Variants in RMDN2 observed in about 807,000 individuals in gnomAD.
RMDN2 encodes regulator of microtubule dynamics 2, also known as regulator of microtubule dynamics protein 2.
A neutral mutation model predicts 52.8 loss-of-function variants in RMDN2; 61 were observed. The ratio of observed to expected loss-of-function variants is 1.16; its 90% CI spans 0.94 to 1.43. The LOEUF (loss-of-function observed/expected upper bound fraction) is 1.43. Ranked by LOEUF, RMDN2 falls within the 40% of genes most tolerant of loss-of-function variation. The pLI, the probability that RMDN2 is intolerant of heterozygous loss-of-function variation, is 0.00. For missense variants in RMDN2, 592 were observed against 475.3 expected (o/e 1.25, Z -2.28); for synonymous variants, 180 against 153.1 (o/e 1.18, Z -1.30).
At chr2:37,999,687 G>A (rs1562285) in intron 8 of RMDN2, among the ~76,000 whole-genome samples, 42,935 of 151,878 alleles carry the variant, frequency 0.28, 6,673 homozygotes, top group East Asian at 0.66. Context: ...CCCACACCCA[G>A]GAGAGTCTGC....
At chr2:38,064,777 T>TA (rs58736308) in intron 10 of RMDN2, among the ~76,000 whole-genome samples, 42,533 of 147,850 alleles carry the variant, frequency 0.29, 6,353 homozygotes, top group African/African-American at 0.39. Flanking sequence ...TTTTCCTCGT[T>TA]AAAAAAAAAA....
At chr2:37,973,958 A>G in intron 2 of RMDN2, 82 bp from the exon 3 acceptor site, 3 of 1,133,848 alleles carry the variant, frequency 2.6e-6, no homozygotes, top group Non-Finnish European at 3.9e-6. Flanking sequence ...GAGGGGCATG[A>G]TTTGACTTGC....
At chr2:38,055,811 T>C (rs552674981) in intron 10 of RMDN2, among the ~76,000 whole-genome samples, 7 of 152,286 alleles carry the variant, frequency 4.6e-5, no homozygotes, top group African/African-American at 1.7e-4. Flanking sequence ...CCCCTGTCTA[T>C]ACCAATTACT....
rs543966071 is a variant in RMDN2 at position 38,010,359 on chromosome 2, C to G, written c.1179+6143C>G. The stretch of plus-strand genomic sequence containing the variant: ...CTCCTTGAGCTGTGGTGGGCTCCAC[C>G]TAATTCGAGCTTCCTGGCTGCTTTG... On this transcript the variant is annotated intron_variant, in intron 10 of 10. Coordinates refer to ENST00000354545, the MANE Select transcript of RMDN2 (RefSeq NM_001170791.3). Among the ~76,000 whole-genome samples, 4 of 152,328 alleles carry G rather than the reference C, an allele frequency of 2.6e-5. No homozygotes were observed. The South Asian group carries it at 8.3e-4, about 32-fold the overall frequency.
intron 10 of RMDN2, among the ~76,000 whole-genome samples, chr2:38,022,927 G>A (rs1679504014): frequency 6.6e-6 from 1 of 152,208 alleles, no homozygotes; most frequent in African/African-American, 2.4e-5. Flanking sequence ...GACCAAGCCA[G>A]GATTGCGTTC....
chr2:37,971,020 A>G (rs914481947), intron 2 of RMDN2, among the ~76,000 whole-genome samples: 10 of 151,948 alleles, frequency 6.6e-5, no homozygotes, highest in Non-Finnish European at 1.3e-4. Flanking sequence ...CACTTTTTTA[A>G]TGGTATCTTT....
intron 2 of RMDN2, among the ~76,000 whole-genome samples, chr2:37,958,182 A>T (rs1487328949): frequency 1.3e-5 from 2 of 152,206 alleles, no homozygotes. Flanking sequence ...TTCTGTGAAG[A>T]AAGTCAATGG....
At chr2:38,018,083 A>C (rs925244225), downstream of RMDN2, among the ~76,000 whole-genome samples, 3 of 152,190 alleles carry the variant, frequency 2.0e-5, no homozygotes. Flanking sequence ...CAGTTAAGGC[A>C]GGGACCAGCC....
chr2:38,054,650 T>G (rs1277144164), intron 10 of RMDN2, among the ~76,000 whole-genome samples: 1 of 152,232 alleles, frequency 6.6e-6, no homozygotes, highest in African/African-American at 2.4e-5. Context: ...GGTTCAATTC[T>G]CTGTTTCTTT....
chr2:37,951,271 C>T (rs1393944990), intron 2 of RMDN2: 1 of 1,604,384 alleles, frequency 6.2e-7, no homozygotes, highest in Non-Finnish European at 8.5e-7. Flanking sequence ...CGATGTTCTC[C>T]AGAAGATCAA....
chr2:37,968,176 C>T (rs1671319053), intron 2 of RMDN2, among the ~76,000 whole-genome samples: 1 of 152,088 alleles, frequency 6.6e-6, no homozygotes, highest in South Asian at 2.1e-4. Context: ...CATGGTGGCT[C>T]ATGCCTGTAA....
At chr2:37,944,541 C>G (rs1021390766) in intron 2 of RMDN2, among the ~76,000 whole-genome samples, 1 of 152,138 alleles carries the variant, frequency 6.6e-6, no homozygotes, top group Non-Finnish European at 1.5e-5. Context: ...TTAATAGTAG[C>G]CTTTCACTTC....
At chr2:37,954,280 C>G (rs1029060069) in intron 2 of RMDN2, among the ~76,000 whole-genome samples, 4 of 151,986 alleles carry the variant, frequency 2.6e-5, no homozygotes. Context: ...GCCAAATCCA[C>G]TGTTGTGAAG....
chr2:38,031,987 G>A (rs906960146), intron 10 of RMDN2, among the ~76,000 whole-genome samples: 17 of 152,026 alleles, frequency 1.1e-4, no homozygotes, highest in Admixed American at 6.6e-4. Flanking sequence ...CTCAGCCTCA[G>A]TCTTCTAAAA....
In RMDN2 at chr2:37,929,644, C is replaced by A; in HGVS notation, c.367C>A (p.Gln123Lys). ...GKITVHKISPQHRARKRRLPT... is the reference protein window; with the variant it reads ...GKITVHKISPKHRARKRRLPT... ...AATAACTGTTCATAAGATAAGCCCTCAGCACAGAGCGAGAAAAAGAAGACT... is the reference window on the plus strand; with the variant it reads ...AATAACTGTTCATAAGATAAGCCCTAAGCACAGAGCGAGAAAAAGAAGACT... Residue 123 changes from glutamine to lysine, a missense_variant, in exon 2 of 11, where the codon CAG becomes AAG. Coordinates refer to ENST00000354545, the MANE Select transcript of RMDN2 (RefSeq NM_001170791.3). 1 of 1,548,388 alleles carries A rather than the reference C, an allele frequency of 6.5e-7. No homozygotes were observed. Among genetic ancestry groups the A allele is most frequent in the Non-Finnish European group, 8.7e-7 (1 of 1,146,254 alleles).
At chr2:38,049,938 G>T (rs560400313) in intron 10 of RMDN2, among the ~76,000 whole-genome samples, 1 of 152,050 alleles carries the variant, frequency 6.6e-6, no homozygotes, top group Admixed American at 6.5e-5. Context: ...TTATTGTTAC[G>T]GCTAATTATT....
At chr2:37,923,601 A>G (rs546322737), upstream of RMDN2, among the ~76,000 whole-genome samples, 53 of 152,204 alleles carry the variant, frequency 3.5e-4, no homozygotes, top group Non-Finnish European at 5.6e-4. Flanking sequence ...ATCATATTGT[A>G]TTCTAGTTAA....
At chr2:38,009,950 G>T (rs1002500915) in intron 10 of RMDN2, among the ~76,000 whole-genome samples, 17 of 152,166 alleles carry the variant, frequency 1.1e-4, no homozygotes, top group Non-Finnish European at 1.8e-4. Context: ...TCAGCTGCAG[G>T]TCTGTTGGAG....
chr2:38,046,328 A>G (rs2125294787), intron 10 of RMDN2, among the ~76,000 whole-genome samples: 1 of 152,328 alleles, frequency 6.6e-6, no homozygotes, highest in Non-Finnish European at 1.5e-5. Flanking sequence ...TGACTGCTAA[A>G]CTATGCTGTT....
Sources: gnomAD v4.1 joint callset for allele counts (sites outside exome capture counted in the v4.1 genomes callset) on GRCh38, gnomAD v4.1.1 for gene constraint, MANE v1.5 for transcripts, NCBI Gene and HGNC (gene_info 2026-07-23, HGNC 2026-07-21) for gene names.